The following MARCHF9 variants were observed in gnomAD, a reference collection of about 807,000 sequenced individuals.
The protein encoded by MARCHF9 is membrane associated ring-CH-type finger 9, also known as E3 ubiquitin-protein ligase MARCHF9.
Under a neutral mutation model 35.2 loss-of-function variants are expected in MARCHF9, and 17 were observed. The ratio of observed to expected loss-of-function variants is 0.48; its 90% CI spans 0.33 to 0.72. The LOEUF (loss-of-function observed/expected upper bound fraction) is 0.72, where lower values mean the gene tolerates loss of function less well. Among genes scored for constraint, MARCHF9 ranks in the 30% least tolerant of loss-of-function variants. The pLI is 0.02. For missense variants in MARCHF9, 386 were observed against 478.2 expected, an observed-to-expected ratio of 0.81 and a Z score of 1.80; for synonymous variants, 183 against 207.4, an observed-to-expected ratio of 0.88 and a Z score of 1.01.
chr12:57,757,757 A>C, intron 2 of MARCHF9: 2 of 588,032 alleles, frequency 3.4e-6, no homozygotes, highest in Non-Finnish European at 6.0e-6. Context: ...CTTCACAATA[A>C]TCTTATTAGA....
In MARCHF9 at chr12:57,755,379, GGCA is replaced by G. The variant is rs1334085311; in HGVS notation, c.-145_-143del. 1 of 407,376 alleles carries G rather than the reference GGCA, an allele frequency of 2.5e-6. No individual in the cohort carries two copies. Among genetic ancestry groups the G allele is most frequent in the African/African-American group, 2.1e-5 (1 of 47,142 alleles). 25.2% of individuals were successfully genotyped at this position (407,376 alleles called of 1,614,324 possible). ...CCGCAAGCACCGGAGCCCCGGCGGT[GGCA>G]GCAGTGAACGGCTGTCGCAGGCCCC... On this transcript the variant is annotated 5_prime_UTR_variant, in exon 1 of 4. Coordinates refer to ENST00000266643, the MANE Select transcript of MARCHF9 (RefSeq NM_138396.6).
At chr12:57,757,965 T>G (rs1427000231) in intron 2 of MARCHF9, 143 bp from the exon 3 acceptor site, 1 of 847,620 alleles carries the variant, frequency 1.2e-6, no homozygotes, top group Non-Finnish European at 2.0e-6. Context: ...ATTCTAGATT[T>G]AATCAAGGCA....
rs915063587 is a variant in MARCHF9 at position 57,755,377 on chromosome 12, G to A, written c.-152G>A. The A allele has an allele frequency of 2.5e-6, 1 of 401,502 alleles. No individual in the cohort carries two copies. Among genetic ancestry groups the A allele is most frequent in the African/African-American group, 2.1e-5 (1 of 47,212 alleles). The allele number at this position is 401,502 out of a possible 1,614,324, so 24.9% of individuals were successfully genotyped here. A position where few individuals can be genotyped will look rare whatever the true frequency, so the allele number is the denominator to read the frequency against. On this transcript the variant is annotated 5_prime_UTR_variant, in exon 1 of 4. It adds an upstream start codon to the 5' untranslated region. Transcript: ENST00000266643. ...CCCCGCAAGCACCGGAGCCCCGGCGGTGGCAGCAGTGAACGGCTGTCGCAG... is the reference window on the plus strand; with the variant it reads ...CCCCGCAAGCACCGGAGCCCCGGCGATGGCAGCAGTGAACGGCTGTCGCAG...
chr12:57,755,392 G>T lies in MARCHF9; in HGVS notation c.-137G>T. Reference sequence around the variant, plus strand: ...AGCCCCGGCGGTGGCAGCAGTGAACGGCTGTCGCAGGCCCCGAAGACCCCG... The same window carrying T: ...AGCCCCGGCGGTGGCAGCAGTGAACTGCTGTCGCAGGCCCCGAAGACCCCG... On this transcript the variant is annotated 5_prime_UTR_variant, in exon 1 of 4. Coordinates refer to ENST00000266643, the MANE Select transcript of MARCHF9 (RefSeq NM_138396.6). The T allele has an allele frequency of 2.8e-6, 1 of 359,232 alleles. No homozygotes were observed. The highest frequency in any genetic ancestry group is 4.7e-6 in the Non-Finnish European group (1 of 214,860). The allele number at this position is 359,232 out of a possible 1,614,324, so 22.3% of individuals were successfully genotyped here.
At chr12:57,756,032 G>A (rs1234198219) in intron 1 of MARCHF9, 147 bp downstream of exon 1, 13 of 486,846 alleles carry the variant, frequency 2.7e-5, no homozygotes, top group Admixed American at 9.6e-5. Flanking sequence ...GGGGCTGGCA[G>A]GGGACTCCTG....
In MARCHF9 at chr12:57,756,971, T is replaced by A. The variant is rs371683750; in HGVS notation, c.400T>A (p.Cys134Ser). 2.8e-4 allele frequency: 447 copies of A among 1,599,384 alleles called. No homozygotes were observed. The highest frequency in any genetic ancestry group is 3.5e-4 in the Non-Finnish European group (414 of 1,173,534). ...SPCRCDGSVRCTHQPCLIRWI... is the reference protein window; with the variant it reads ...SPCRCDGSVRSTHQPCLIRWI... ...CTGCCGCTGCGACGGCTCAGTGCGC[T>A]GCACGCATCAGCCCTGCCTCATCCG... Residue 134 changes from cysteine to serine, a missense_variant, in exon 2 of 4, where the codon TGC (cysteine) becomes AGC (serine). Cys to Ser is a moderately radical substitution (Grantham distance 112). Coordinates refer to ENST00000266643, the MANE Select transcript of MARCHF9 (RefSeq NM_138396.6).
chr12:57,755,790 C>G lies in MARCHF9; in HGVS notation c.262C>G (p.Pro88Ala). The stretch of plus-strand genomic sequence containing the variant: ...GCCGCCGCCCGCGCCGCCGCTGCCG[C>G]CCCCGGGCGCGCTGGACGCCCTGTC... ...PLPPPAPPLP[P>A]PGALDALSLS... Residue 88 changes from proline to alanine, a missense_variant, in exon 1 of 4, where the codon CCC becomes GCC. Physicochemically the swap from Pro to Ala is conservative, Grantham distance 27. This residue lies in a region of MARCHF9 where 219 missense variants were observed against 316.2 expected (regional missense o/e 0.69). Coordinates refer to ENST00000266643, the MANE Select transcript of MARCHF9 (RefSeq NM_138396.6). 1.5e-6 allele frequency: 2 copies of G among 1,302,400 alleles called. No homozygotes were observed. The highest frequency in any genetic ancestry group is 1.9e-6 in the Non-Finnish European group (2 of 1,025,992). The allele number at this position is 1,302,400 out of a possible 1,614,324, so 80.7% of individuals were successfully genotyped here.
intron 1 of MARCHF9, 200 bp downstream of exon 1, chr12:57,756,085 G>C (rs1404822831): frequency 5.9e-6 from 2 of 337,676 alleles, no homozygotes. Flanking sequence ...CCCAGGAAGG[G>C]GTGGGGCTTT....
rs1159421074 is a variant in MARCHF9 at position 57,755,176 on chromosome 12, G to A, written c.-353G>A. On this transcript the variant is annotated 5_prime_UTR_variant, in exon 1 of 4. Transcript: ENST00000266643. Reference sequence around the variant, plus strand: ...CCGGAGCCGGAGGGGGACTGGGACCGAGAGAACGGCGATGGGGGGCGGCCC... The same window carrying A: ...CCGGAGCCGGAGGGGGACTGGGACCAAGAGAACGGCGATGGGGGGCGGCCC... 2 of 156,080 alleles carry A rather than the reference G, an allele frequency of 1.3e-5. No homozygotes were observed. The highest frequency in any genetic ancestry group is 1.9e-4 in the East Asian group (1 of 5,330). 9.7% of individuals were successfully genotyped at this position (156,080 alleles called of 1,614,324 possible). A position where few individuals can be genotyped will look rare whatever the true frequency, so the allele number is the denominator to read the frequency against.
In MARCHF9 at chr12:57,756,976, G is replaced by C. The variant is rs749208919; in HGVS notation, c.405G>C (p.Thr135=). The change falls in exon 2 of 4, where the codon ACG becomes ACC. Residue 135 remains threonine (T), a synonymous_variant. Coordinates refer to ENST00000266643, the MANE Select transcript of MARCHF9 (RefSeq NM_138396.6). ...GCTGCGACGGCTCAGTGCGCTGCAC[G>C]CATCAGCCCTGCCTCATCCGCTGGA... The part of the protein sequence containing the change: ...PCRCDGSVRC[T]HQPCLIRWIS... 1.9e-6 allele frequency: 3 copies of C among 1,599,040 alleles called. No individual in the cohort carries two copies. Among genetic ancestry groups the C allele is most frequent in the Non-Finnish European group, 8.5e-7 (1 of 1,173,288 alleles).
chr12:57,758,244 A>T lies in MARCHF9; in HGVS notation c.650A>T (p.Asp217Val). The T allele has an allele frequency of 6.2e-7, 1 of 1,614,160 alleles. No homozygotes were observed. The highest frequency in any genetic ancestry group is 8.5e-7 in the Non-Finnish European group (1 of 1,179,984). Reference sequence around the variant, plus strand: ...CCTTCAGCCAAGTGGCAACGACAGGATCTGCTCTTTCAGATCTGCTACGGC... The same window carrying T: ...CCTTCAGCCAAGTGGCAACGACAGGTTCTGCTCTTTCAGATCTGCTACGGC... The part of the protein sequence containing the change: ...LSPSAKWQRQ[D>V]LLFQICYGMY... The change falls in exon 3 of 4, where the codon GAT (aspartate) becomes GTT (valine). Residue 217 changes from aspartate (D) to valine (V), a missense_variant. Asp to Val is a radical substitution (Grantham distance 152). Transcript: ENST00000266643. The surrounding 1 kb of genome is among the most constrained non-coding windows in gnomAD (Gnocchi z 5.4).
chr12:57,758,134 C>T lies in MARCHF9; in HGVS notation c.540C>T (p.Ile180=), dbSNP rs778258149. The part of the protein sequence containing the change: ...LQWQAISLTV[I]EKVQIAAIVL... ...GGCAGGCCATCTCCCTGACGGTCAT[C>T]GAGAAGGTCCAGATTGCTGCCATAG... Residue 180 remains isoleucine, a synonymous_variant, in exon 3 of 4, where the codon ATC becomes ATT. Coordinates refer to ENST00000266643, the MANE Select transcript of MARCHF9 (RefSeq NM_138396.6). This position sits in a 1 kb window ranked among gnomAD's most constrained non-coding sequence, Gnocchi z 5.4. 2.7e-5 allele frequency: 43 copies of T among 1,614,064 alleles called. No individual in the cohort carries two copies. Among genetic ancestry groups the T allele is most frequent in the Non-Finnish European group, 2.8e-5 (33 of 1,180,038 alleles).
chr12:57,757,572 G>A (rs979647572), intron 2 of MARCHF9: 1 of 203,704 alleles, frequency 4.9e-6, no homozygotes, highest in Non-Finnish European at 1.0e-5. Context: ...CTTGAACCCG[G>A]GAGGCAGAGG....
chr12:57,755,321 CCCG>C lies in MARCHF9; in HGVS notation c.-202_-200del, dbSNP rs1955277193. The C allele has an allele frequency of 6.5e-6, 2 of 307,340 alleles. No individual in the cohort carries two copies. Among genetic ancestry groups the C allele is most frequent in the African/African-American group, 2.2e-5 (1 of 44,998 alleles). The allele number at this position is 307,340 out of a possible 1,614,324, so 19.0% of individuals were successfully genotyped here. A position where few individuals can be genotyped will look rare whatever the true frequency, so the allele number is the denominator to read the frequency against. The stretch of plus-strand genomic sequence containing the variant: ...CCCTGCCCTGGCCATGGCCGCCCAC[CCCG>C]CCGCCCCCGGGCCGCCAGCCCGCTC... On this transcript the variant is annotated 5_prime_UTR_variant, in exon 1 of 4. Coordinates refer to ENST00000266643, the MANE Select transcript of MARCHF9 (RefSeq NM_138396.6).
Position 57,756,935 on chromosome 12 carries a change from C to A in MARCHF9, c.364C>A (p.Leu122Ile). 6.4e-7 allele frequency: 1 copy of A among 1,550,916 alleles called. No individual in the cohort carries two copies. Among genetic ancestry groups the A allele is most frequent in the Non-Finnish European group, 8.7e-7 (1 of 1,148,102 alleles). The change falls in exon 2 of 4, where the codon CTC (leucine) becomes ATC (isoleucine). Residue 122 changes from leucine to isoleucine, a missense_variant. Physicochemically the swap from Leu to Ile is conservative, Grantham distance 5. Coordinates refer to ENST00000266643, the MANE Select transcript of MARCHF9 (RefSeq NM_138396.6). Reference protein sequence around the residue: ...ICFQGPEQGELLSPCRCDGSV... With the variant: ...ICFQGPEQGEILSPCRCDGSV... ...CTCCTCACTCTTCCTCCAGGGGGAG[C>A]TCTTAAGCCCCTGCCGCTGCGACGG...
At position 57,757,017 on chromosome 12, in the gene MARCHF9, C is replaced by T; in HGVS notation, c.446C>T (p.Ser149Phe). ...CLIRWISERG[S>F]WSCELCYFKY... ...ATCCGCTGGATCAGCGAGAGGGGCT[C>T]CTGGAGCTGTGAGCTCTGCTACTTC... The change falls in exon 2 of 4, where the codon TCC becomes TTC. Residue 149 changes from serine to phenylalanine, a missense_variant. Transcript: ENST00000266643. 1.3e-6 allele frequency: 2 copies of T among 1,574,176 alleles called. No individual in the cohort carries two copies. Among genetic ancestry groups the T allele is most frequent in the Non-Finnish European group, 1.7e-6 (2 of 1,159,002 alleles).
At chr12:57,756,814 T>G in intron 1 of MARCHF9, 115 bp from the exon 2 acceptor site, 14 of 1,153,640 alleles carry the variant, frequency 1.2e-5, no homozygotes, top group Non-Finnish European at 1.5e-5. Flanking sequence ...GTGAAAGGCC[T>G]GAGTTATTTA....
chr12:57,757,660 A>AG (rs1415398492), intron 2 of MARCHF9: 21 of 389,910 alleles, frequency 5.4e-5, no homozygotes, highest in African/African-American at 4.4e-4. Flanking sequence ...GGAAAAAAAA[A>AG]AAAAAGAAAA....
intron 2 of MARCHF9, 161 bp from the exon 3 acceptor site, chr12:57,757,947 A>G (rs1279528853): frequency 7.8e-6 from 6 of 765,554 alleles, no homozygotes; most frequent in Non-Finnish European, 1.4e-5. Flanking sequence ...GTGTCAGACA[A>G]GTGCCACATT....
Sources: allele counts gnomAD v4.1 joint callset, GRCh38; gene constraint gnomAD v4.1.1; regional missense constraint gnomAD v4.1.1; non-coding constraint Gnocchi (gnomAD v3.1); transcripts MANE v1.5; gene names NCBI Gene and HGNC (gene_info 2026-07-23, HGNC 2026-07-21).